TGFBR3: variants seen among roughly 807,000 people sequenced by gnomAD.
The protein encoded by TGFBR3 is transforming growth factor beta receptor type 3.
In TGFBR3, 46 loss-of-function variants were observed where a neutral mutation model predicts 87.9. The ratio of observed to expected loss-of-function variants is 0.52; its 90% CI spans 0.41 to 0.67. The LOEUF is 0.67. TGFBR3 is among the 30% of genes least tolerant of loss of function. TGFBR3 has a pLI of 0.00. For missense variants in TGFBR3, 866 were observed against 1,041.9 expected (o/e 0.83, Z 2.32); for synonymous variants, 381 against 391.6 (o/e 0.97, Z 0.32).
chr1:91,899,959 C>T (rs1209043997), intron 1 of TGFBR3, among the ~76,000 whole-genome samples: 1 of 151,892 alleles, frequency 6.6e-6, no homozygotes, highest in Non-Finnish European at 1.5e-5. Context: ...AGACCTGTCT[C>T]TAAAAACAAA....
At chr1:91,715,997 TTTG>T (rs1672154334) in intron 12 of TGFBR3, among the ~76,000 whole-genome samples, 1 of 151,692 alleles carries the variant, frequency 6.6e-6, no homozygotes, top group African/African-American at 2.4e-5. Flanking sequence ...AATTTTTTTT[TTTG>T]TTAACATTCA....
rs777602667 is a variant in TGFBR3, at chr1:91,719,372, C to T, written c.1506G>A (p.Leu502=). The change falls in exon 10 of 17, where the codon CTG becomes CTA. Residue 502 remains leucine, a synonymous_variant. Transcript: ENST00000212355. ...ACCGGGGCCGAGTACCGCAGCCATT[C>T]AGAGGAGACTCCAAAACAAAGTGTG... ...NGTHFVLESP[L]NGCGTRPRWS... is the part of the protein sequence containing the mutation. 3 of 1,614,194 alleles carry T rather than the reference C, an allele frequency of 1.9e-6. No homozygotes were observed. Among genetic ancestry groups the T allele is most frequent in the Admixed American group, 3.3e-5 (2 of 60,020 alleles).
At chr1:91,818,278 CTTTTTTTTTTTTTTTTTTTTTTTTTT>C (rs760050197) in intron 2 of TGFBR3, among the ~76,000 whole-genome samples, 36 of 32,494 alleles carry the variant, frequency 1.1e-3, no homozygotes, top group South Asian at 4.5e-3. Flanking sequence ...TAGCCCCAGC[CTTTTTTTTTTTTTTTTTTTTTTTTTT>C]TTTTTTTTTT....
intron 4 of TGFBR3, among the ~76,000 whole-genome samples, chr1:91,751,915 C>T (rs532957348): frequency 1.3e-5 from 2 of 152,288 alleles, no homozygotes; most frequent in South Asian, 4.1e-4. Context: ...TGGGATATAA[C>T]ATCTAGCAGT....
At chr1:91,743,439 T>C (rs1186454016) in intron 4 of TGFBR3, among the ~76,000 whole-genome samples, 1 of 152,188 alleles carries the variant, frequency 6.6e-6, no homozygotes, top group Non-Finnish European at 1.5e-5. Context: ...TCTATTCAAA[T>C]GTTACCTTCT....
At position 91,850,780 on chromosome 1, in the gene TGFBR3, C is replaced by CAA. The variant is rs61025683; in HGVS notation, c.61+10689_61+10690dup. ...TGGGTGACAGAGCAAGACCCTGTCT[C>CAA]AAAAAAAAAAAAAAAAAAAAAAAAA... On this transcript the variant is annotated intron_variant, in intron 2 of 16. Transcript: ENST00000212355. Among the ~76,000 whole-genome samples, 66 of 58,404 alleles carry CAA rather than the reference C, an allele frequency of 1.1e-3. 1 individual carries two copies. Among genetic ancestry groups the CAA allele is most frequent in the African/African-American group, 2.4e-3 (44 of 18,582 alleles). 38.3% of individuals were successfully genotyped at this position (58,404 alleles called of 152,430 possible). A position where few individuals can be genotyped will look rare whatever the true frequency, so the allele number is the denominator to read the frequency against.
intron 1 of TGFBR3, among the ~76,000 whole-genome samples, chr1:91,878,907 C>G (rs1678965987): frequency 6.6e-6 from 1 of 152,164 alleles, no homozygotes; most frequent in South Asian, 2.1e-4. Flanking sequence ...TCTTTATAAC[C>G]ATTTTTTAAG....
Position 91,839,572 on chromosome 1 carries a change from G to A in TGFBR3, c.61+21899C>T, listed in dbSNP as rs568935000. Reference sequence around the variant, plus strand: ...CAACATAACATATCCTCGATTTGATGCCCTGAAAAGAGGACATCACCTCTA... The same window carrying A: ...CAACATAACATATCCTCGATTTGATACCCTGAAAAGAGGACATCACCTCTA... On this transcript the variant is annotated intron_variant, in intron 2 of 16. Coordinates refer to ENST00000212355, the MANE Select transcript of TGFBR3 (RefSeq NM_003243.5). Among the ~76,000 whole-genome samples the A allele has an allele frequency of 4.6e-5, 7 of 152,276 alleles. No individual in the cohort carries two copies. In the South Asian group the frequency reaches 1.5e-3, roughly 32 times the overall value.
chr1:91,801,658 C>T (rs962913085), intron 2 of TGFBR3, among the ~76,000 whole-genome samples: 2 of 152,034 alleles, frequency 1.3e-5, no homozygotes, highest in African/African-American at 4.8e-5. Context: ...TCTAAATGTT[C>T]CCTGTACAAT....
chr1:91,782,309 A>G (rs1186745672), intron 3 of TGFBR3, among the ~76,000 whole-genome samples: 1 of 152,212 alleles, frequency 6.6e-6, no homozygotes, highest in Non-Finnish European at 1.5e-5. Flanking sequence ...GGCAAAATGT[A>G]TCATCATTGG....
intron 2 of TGFBR3, among the ~76,000 whole-genome samples, chr1:91,799,270 C>T (rs966217781): frequency 6.6e-6 from 1 of 152,228 alleles, no homozygotes; most frequent in Non-Finnish European, 1.5e-5. Flanking sequence ...GAAGTATGTG[C>T]CTTCTCAAAT....
At chr1:91,841,324 G>C (rs1292645636) in intron 2 of TGFBR3, among the ~76,000 whole-genome samples, 4 of 152,096 alleles carry the variant, frequency 2.6e-5, no homozygotes, top group African/African-American at 9.7e-5. Flanking sequence ...TTACCATATA[G>C]AATAAGGAAA....
In TGFBR3 at chr1:91,861,583, CACAG is replaced by C. The variant is rs780693606; in HGVS notation, c.-56_-53del. The C allele has an allele frequency of 2.5e-5, 36 of 1,423,926 alleles. No homozygotes were observed. Among genetic ancestry groups the C allele is most frequent in the South Asian group, 3.4e-5 (3 of 87,198 alleles). The allele number at this position is 1,423,926 out of a possible 1,614,324, so 88.2% of individuals were successfully genotyped here. ...TCCAGTCACTTCAGCCTGCTCAGAG[CACAG>C]ACAATCTTTGCAAATCAGAAGTAGT... On this transcript the variant is annotated 5_prime_UTR_variant, in exon 2 of 17. Coordinates refer to ENST00000212355, the MANE Select transcript of TGFBR3 (RefSeq NM_003243.5).
intron 4 of TGFBR3, among the ~76,000 whole-genome samples, chr1:91,754,363 G>A (rs538291848): frequency 1.3e-5 from 2 of 152,238 alleles, no homozygotes; most frequent in South Asian, 4.1e-4. Flanking sequence ...ATGGCACACT[G>A]AGAGGGTAAG....
chr1:91,706,666 A>T (rs953187395), intron 14 of TGFBR3, among the ~76,000 whole-genome samples: 6 of 152,212 alleles, frequency 3.9e-5, no homozygotes, highest in African/African-American at 1.4e-4. Flanking sequence ...TGGAGTAGCC[A>T]TTCTTTTGTT....
chr1:91,873,671 G>A (rs1014995115), intron 1 of TGFBR3, among the ~76,000 whole-genome samples: 1 of 152,300 alleles, frequency 6.6e-6, no homozygotes, highest in Admixed American at 6.5e-5. Flanking sequence ...AATGGGCTGA[G>A]CGCTGTGGCT....
intron 4 of TGFBR3, among the ~76,000 whole-genome samples, chr1:91,756,513 A>T (rs181507140): frequency 6.6e-6 from 1 of 152,364 alleles, no homozygotes; most frequent in East Asian, 1.9e-4. Context: ...AAGGATCTAC[A>T]CTATGGTACT....
At chr1:91,734,733 C>T (rs776102728) in intron 5 of TGFBR3, 43 bp downstream of exon 5, 3 of 1,604,122 alleles carry the variant, frequency 1.9e-6, no homozygotes, top group Admixed American at 1.7e-5. Flanking sequence ...AAAACAATTG[C>T]CTGTCATAAA....
rs1338769702 is a variant in TGFBR3 at position 91,683,532 on chromosome 1, A to G, written c.*207T>C. Reference sequence around the variant, plus strand: ...TCTCACATGAATTCTAGTGTGGTACAGAAGCCCAGGGTCATGTTTATACTA... The same window carrying G: ...TCTCACATGAATTCTAGTGTGGTACGGAAGCCCAGGGTCATGTTTATACTA... On this transcript the variant is annotated 3_prime_UTR_variant, in exon 17 of 17. Coordinates refer to ENST00000212355, the MANE Select transcript of TGFBR3 (RefSeq NM_003243.5). 3 of 696,890 alleles carry G rather than the reference A, an allele frequency of 4.3e-6. No individual in the cohort carries two copies. Among genetic ancestry groups the G allele is most frequent in the Non-Finnish European group, 7.8e-6 (3 of 383,122 alleles). 43.2% of individuals were successfully genotyped at this position (696,890 alleles called of 1,614,324 possible).
Sources: gnomAD v4.1 joint callset for allele counts (sites outside exome capture counted in the v4.1 genomes callset) on GRCh38, gnomAD v4.1.1 for gene constraint, MANE v1.5 for transcripts, NCBI Gene and HGNC (gene_info 2026-07-23, HGNC 2026-07-21) for gene names.